TTC23L: variants seen among roughly 807,000 people sequenced by gnomAD.
TTC23L encodes tetratricopeptide repeat protein 23-like.
A neutral mutation model predicts 48.1 loss-of-function variants in TTC23L; 42 were observed. The ratio of observed to expected loss-of-function variants is 0.87; its 90% CI spans 0.68 to 1.13. The LOEUF is 1.13. Among genes scored for constraint, TTC23L ranks in the 50% most tolerant of loss-of-function variants. The probability of loss-of-function intolerance (pLI) is 0.00; values close to 1 mark genes in which losing one functional copy is unlikely to be tolerated. For missense variants in TTC23L, 391 were observed against 421.0 expected (o/e 0.93, Z 0.62); for synonymous variants, 159 against 157.2 (o/e 1.01, Z -0.09).
intron 4 of TTC23L, among the ~76,000 whole-genome samples, chr5:34,856,708 A>G (rs904405849): frequency 1.3e-5 from 2 of 152,262 alleles, no homozygotes; most frequent in South Asian, 2.1e-4. Context: ...AAGAGTTAGC[A>G]AAGAATCAAT....
chr5:34,921,162 C>T, the TTC23L span: 1 of 152,142 alleles, frequency 6.6e-6, no homozygotes, highest in African/African-American at 2.4e-5. Flanking sequence ...GGTTTAAAGT[C>T]TTAAATAATG....
At chr5:34,847,659 G>A (rs1205861122) in intron 3 of TTC23L, among the ~76,000 whole-genome samples, 1 of 152,104 alleles carries the variant, frequency 6.6e-6, no homozygotes, top group African/African-American at 2.4e-5. Context: ...CAAAGCTTTG[G>A]TCTCCCATTC....
chr5:34,840,193 G>A (rs1002819853), intron 1 of TTC23L, among the ~76,000 whole-genome samples: 1 of 134,450 alleles, frequency 7.4e-6, no homozygotes, highest in Non-Finnish European at 1.5e-5. Context: ...TACCCGCCTC[G>A]TGACCCCTGT....
At chr5:34,873,362 C>T (rs1761608621) in intron 8 of TTC23L, among the ~76,000 whole-genome samples, 1 of 152,106 alleles carries the variant, frequency 6.6e-6, no homozygotes, top group African/African-American at 2.4e-5. Flanking sequence ...GAACAAATTG[C>T]AAAGCATTTA....
chr5:34,850,377 G>C, intron 4 of TTC23L, 69 bp downstream of exon 4: 1 of 1,600,088 alleles, frequency 6.2e-7, no homozygotes, highest in Non-Finnish European at 8.5e-7. Context: ...CACAACCTCA[G>C]TGAGGATGGG....
chr5:34,903,880 A>G (rs1325317050), downstream of TTC23L, among the ~76,000 whole-genome samples: 2 of 152,166 alleles, frequency 1.3e-5, no homozygotes, highest in Non-Finnish European at 2.9e-5. Context: ...GCTATTTTCC[A>G]ACAATCTCTG....
At chr5:34,840,322 A>G (rs984349383) in intron 1 of TTC23L, among the ~76,000 whole-genome samples, 2 of 150,372 alleles carry the variant, frequency 1.3e-5, no homozygotes, top group Non-Finnish European at 2.9e-5. Context: ...CTTAAATCCA[A>G]CACGCCGTCA....
At chr5:34,894,024 GTA>G (rs1436485643) in intron 9 of TTC23L, among the ~76,000 whole-genome samples, 2 of 152,116 alleles carry the variant, frequency 1.3e-5, no homozygotes, top group Non-Finnish European at 2.9e-5. Flanking sequence ...TCTGTCAAAA[GTA>G]TGGGGAGCTC....
chr5:34,841,504 G>GAATC (rs1758670877), intron 2 of TTC23L, among the ~76,000 whole-genome samples: 1 of 152,118 alleles, frequency 6.6e-6, no homozygotes, highest in Non-Finnish European at 1.5e-5. Flanking sequence ...TCTGACTCTA[G>GAATC]AATCCATTCT....
the TTC23L span, among the ~76,000 whole-genome samples, chr5:34,919,506 T>C: frequency 6.6e-6 from 1 of 152,196 alleles, no homozygotes; most frequent in African/African-American, 2.4e-5. Flanking sequence ...GATATTTTCA[T>C]TGAAACTGGT....
chr5:34,841,151 G>A (rs1049368290), intron 2 of TTC23L, among the ~76,000 whole-genome samples: 1 of 152,188 alleles, frequency 6.6e-6, no homozygotes, highest in Non-Finnish European at 1.5e-5. Context: ...ATAGAAGATT[G>A]CTTTTTCCCG....
In TTC23L at chr5:34,898,826, G is replaced by C. The variant is rs926116750; in HGVS notation, c.*98-564G>C. Among the ~76,000 whole-genome samples, 11 of 152,134 alleles carry C rather than the reference G, an allele frequency of 7.2e-5. 1 individual carries two copies. In the South Asian group the frequency reaches 2.3e-3, roughly 31 times the overall value. On this transcript the variant is annotated intron_variant, in intron 10 of 10. Transcript: ENST00000505624. ...TGAAAACCACTTTTTTCAGGCTTGA[G>C]GTAGAAATAGGAGGTGACTAAAGAA...
At chr5:34,922,067 CT>C in the TTC23L span, 5 of 439,278 alleles carry the variant, frequency 1.1e-5, no homozygotes. Flanking sequence ...TTAAAGGTTC[CT>C]TCTGTGAATA....
At chr5:34,844,891 T>C (rs1758982809) in intron 2 of TTC23L, among the ~76,000 whole-genome samples, 1 of 152,202 alleles carries the variant, frequency 6.6e-6, no homozygotes, top group South Asian at 2.1e-4. Context: ...TGTCCTCTTT[T>C]CTTGGCCACC....
At chr5:34,893,689 T>G (rs1288783240) in intron 9 of TTC23L, among the ~76,000 whole-genome samples, 1 of 152,166 alleles carries the variant, frequency 6.6e-6, no homozygotes, top group East Asian at 1.9e-4. Flanking sequence ...TAAGCTTCTG[T>G]GAAATGTTAA....
chr5:34,839,603 A>G, intron 1 of TTC23L: 1 of 985,100 alleles, frequency 1.0e-6, no homozygotes, highest in Non-Finnish European at 1.2e-6. Context: ...AAAAAGAGAA[A>G]TTAGTGACTC....
At chr5:34,880,069 C>T in intron 8 of TTC23L, 112 bp from the exon 9 acceptor site, 1 of 1,334,264 alleles carries the variant, frequency 7.5e-7, no homozygotes. Flanking sequence ...TGAGACCTGG[C>T]TTGAGAACAA....
chr5:34,869,903 ATTCT>A (rs972631559), intron 8 of TTC23L: 4 of 151,846 alleles, frequency 2.6e-5, no homozygotes, highest in Non-Finnish European at 5.9e-5. Flanking sequence ...AGACTTCCTG[ATTCT>A]TTGTTTTTCA....
intron 3 of TTC23L, among the ~76,000 whole-genome samples, chr5:34,846,791 G>A (rs1234993227): frequency 1.3e-5 from 2 of 150,984 alleles, no homozygotes; most frequent in Non-Finnish European, 2.9e-5. Flanking sequence ...AGAACAGGTA[G>A]GCAGGCAGGT....
Sources: allele counts gnomAD v4.1 joint callset (sites outside exome capture counted in the v4.1 genomes callset), GRCh38; gene constraint gnomAD v4.1.1; transcripts MANE v1.5; gene names NCBI Gene and HGNC (gene_info 2026-07-23, HGNC 2026-07-21).